Variants in NPL observed in about 807,000 individuals in gnomAD.
NPL encodes the protein N-acetylneuraminate pyruvate lyase.
A neutral mutation model predicts 41.1 loss-of-function variants in NPL; 32 were observed. That is an observed-to-expected ratio of 0.78 (90% CI 0.59 to 1.05). The LOEUF is 1.05. NPL is among the 50% of genes least tolerant of loss of function. The pLI is 0.00. For synonymous variants in NPL, 128 were observed against 134.9 expected (o/e 0.95, Z 0.35); for missense variants, 321 against 378.4 (o/e 0.85, Z 1.26).
At chr1:182,815,355 G>A in intron 7 of NPL, among the ~76,000 whole-genome samples, 1 of 152,000 alleles carries the variant, frequency 6.6e-6, no homozygotes, top group East Asian at 1.9e-4. Flanking sequence ...AACTATTTAT[G>A]GTGTCTAAGT....
At chr1:182,817,361 C>T (rs760139616) in intron 8 of NPL, among the ~76,000 whole-genome samples, 8 of 152,114 alleles carry the variant, frequency 5.3e-5, no homozygotes, top group African/African-American at 9.7e-5. Context: ...AGGAAAAAAA[C>T]GAAACAAAAC....
chr1:182,816,886 C>A, intron 8 of NPL, 80 bp downstream of exon 8: 1 of 1,039,486 alleles, frequency 9.6e-7, no homozygotes, highest in Non-Finnish European at 1.5e-6. Flanking sequence ...TCCACTCCAT[C>A]CCACCCTACC....
At chr1:182,822,885 G>A (rs1571277116) in intron 11 of NPL, among the ~76,000 whole-genome samples, 1 of 152,316 alleles carries the variant, frequency 6.6e-6, no homozygotes, top group Non-Finnish European at 1.5e-5. Context: ...CTTTTATTTA[G>A]AGATAGGGTC....
chr1:182,805,594 G>A (rs1447207349), intron 4 of NPL, among the ~76,000 whole-genome samples: 1 of 152,196 alleles, frequency 6.6e-6, no homozygotes, highest in Non-Finnish European at 1.5e-5. Context: ...TTGCTGGGTT[G>A]TTGTGAGAGT....
chr1:182,825,893 T>C, intron 12 of NPL, 73 bp downstream of exon 12: 1 of 1,122,958 alleles, frequency 8.9e-7, no homozygotes, highest in Non-Finnish European at 1.4e-6. Context: ...TCACTTTCTC[T>C]GAGGGTTCAA....
chr1:182,808,959 T>TAAAA lies in NPL; in HGVS notation c.230+2744_230+2747dup, dbSNP rs61310123. Among the ~76,000 whole-genome samples, 23 of 118,332 alleles carry TAAAA rather than the reference T, an allele frequency of 1.9e-4. 1 individual carries two copies. Among genetic ancestry groups the TAAAA allele is most frequent in the African/African-American group, 7.6e-4 (23 of 30,222 alleles). The allele number at this position is 118,332 out of a possible 152,430, so 77.6% of individuals were successfully genotyped here. ...TGGGTGAAAGAGCAAAACCCTGTCT[T>TAAAA]AAAAAAAAAAAAAAAAAAAAGTGGT... On this transcript the variant is annotated intron_variant, in intron 5 of 12. Transcript: ENST00000367553.
chr1:182,825,647 T>C, intron 11 of NPL, 134 bp from the exon 12 acceptor site: 1 of 689,028 alleles, frequency 1.5e-6, no homozygotes, highest in Non-Finnish European at 2.6e-6. Context: ...TTGGCTATTT[T>C]TCTCCACTCT....
Position 182,822,105 on chromosome 1 carries a change from G to T in NPL, c.654-10G>T. 6.3e-7 allele frequency: 1 copy of T among 1,583,756 alleles called. No homozygotes were observed. The highest frequency in any genetic ancestry group is 1.1e-5 in the South Asian group (1 of 90,416). ...TATTGAACCTGCAGTATTTGTTATT[G>T]TCTTGCCAGTACCTATAACTACCTG... On this transcript the variant is annotated splice_polypyrimidine_tract_variant and intron_variant, in intron 10 of 12. Transcript: ENST00000367553.
At chr1:182,822,234 C>CT (rs772080155) in intron 11 of NPL, 35 bp downstream of exon 11, 2 of 1,388,974 alleles carry the variant, frequency 1.4e-6, no homozygotes, top group East Asian at 2.3e-5. Context: ...AAATCACAGC[C>CT]TTTTTTCTTC....
intron 12 of NPL, 78 bp downstream of exon 12, chr1:182,825,898 G>C: frequency 9.3e-7 from 1 of 1,078,176 alleles, no homozygotes; most frequent in Admixed American, 1.7e-5. Context: ...TTCTCTGAGG[G>C]TTCAACAAGA....
At chr1:182,815,237 A>G (rs1667290519) in intron 7 of NPL, among the ~76,000 whole-genome samples, 1 of 152,244 alleles carries the variant, frequency 6.6e-6, no homozygotes, top group Non-Finnish European at 1.5e-5. Flanking sequence ...TACACATCCT[A>G]TTCAAGGTTG....
At chr1:182,820,500 A>T (rs956859242) in intron 10 of NPL, among the ~76,000 whole-genome samples, 3 of 152,220 alleles carry the variant, frequency 2.0e-5, no homozygotes, top group African/African-American at 7.2e-5. Flanking sequence ...ATATGTATTA[A>T]TTCATTCTCA....
At chr1:182,813,284 G>A (rs1248516440) in intron 6 of NPL, among the ~76,000 whole-genome samples, 5 of 152,036 alleles carry the variant, frequency 3.3e-5, no homozygotes, top group Admixed American at 2.0e-4. Context: ...GACTTTTTCT[G>A]GCCCAGCTTC....
At chr1:182,819,826 A>G (rs1667440788) in intron 10 of NPL, among the ~76,000 whole-genome samples, 1 of 152,202 alleles carries the variant, frequency 6.6e-6, no homozygotes, top group African/African-American at 2.4e-5. Flanking sequence ...TTATTTGGTT[A>G]CAAGTAACAG....
chr1:182,806,317 C>A (rs1307434289), intron 5 of NPL, 85 bp downstream of exon 5: 24 of 1,587,306 alleles, frequency 1.5e-5, no homozygotes, highest in Non-Finnish European at 2.0e-5. Flanking sequence ...GCCCTCCCTG[C>A]TTCCTGGTCA....
At chr1:182,790,743 A>G (rs1256409038) in intron 1 of NPL, among the ~76,000 whole-genome samples, 2 of 152,104 alleles carry the variant, frequency 1.3e-5, no homozygotes, top group Non-Finnish European at 2.9e-5. Context: ...TCCCAGGTTC[A>G]CGCCATTCTC....
At chr1:182,810,940 C>T (rs1382623574) in intron 5 of NPL, among the ~76,000 whole-genome samples, 1 of 152,126 alleles carries the variant, frequency 6.6e-6, no homozygotes, top group African/African-American at 2.4e-5. Context: ...AGGATTCAAG[C>T]TCAAGACTCT....
chr1:182,794,962 A>G (rs1356002816), intron 3 of NPL, among the ~76,000 whole-genome samples: 3 of 152,198 alleles, frequency 2.0e-5, no homozygotes, highest in Non-Finnish European at 4.4e-5. Flanking sequence ...TTACAGCCTC[A>G]TTTCAACATT....
chr1:182,794,576 C>A, intron 3 of NPL, 137 bp downstream of exon 3: 1 of 820,266 alleles, frequency 1.2e-6, no homozygotes, highest in Non-Finnish European at 2.1e-6. Flanking sequence ...TCTGTCATCC[C>A]TCTGCACTGT....
Sources: gnomAD v4.1 joint callset for allele counts (sites outside exome capture counted in the v4.1 genomes callset) on GRCh38, gnomAD v4.1.1 for gene constraint, MANE v1.5 for transcripts, NCBI Gene and HGNC (gene_info 2026-07-23, HGNC 2026-07-21) for gene names.